Variants in SLIT3 observed in about 807,000 individuals in gnomAD.
SLIT3 encodes the protein slit homolog 3 protein.
In SLIT3, 68 loss-of-function variants were observed where a neutral mutation model predicts 184.0. The ratio of observed to expected loss-of-function variants is 0.37; its 90% CI spans 0.30 to 0.45. The LOEUF is 0.45. Ranked by LOEUF, SLIT3 falls within the 20% of genes least tolerant of loss-of-function variation. SLIT3 has a pLI of 1.00. For synonymous variants in SLIT3, 831 were observed against 828.6 expected, an observed-to-expected ratio of 1.00 and a Z score of -0.05; for missense variants, 1,707 against 2,026.0, an observed-to-expected ratio of 0.84 and a Z score of 3.02.
intron 3 of SLIT3, among the ~76,000 whole-genome samples, chr5:169,198,937 A>G (rs532346715): frequency 2.1e-5 from 3 of 142,292 alleles, no homozygotes; most frequent in Non-Finnish European, 3.0e-5. Flanking sequence ...AACTCAAAAA[A>G]CAAACAAACA....
chr5:169,002,627 T>C (rs1254113761), intron 4 of SLIT3, among the ~76,000 whole-genome samples: 2 of 152,174 alleles, frequency 1.3e-5, no homozygotes, highest in Non-Finnish European at 2.9e-5. Context: ...AGGCAACCAG[T>C]GGAAGAGACT....
intron 2 of SLIT3, among the ~76,000 whole-genome samples, chr5:169,251,005 CAG>C (rs909002920): frequency 2.0e-5 from 3 of 152,198 alleles, no homozygotes; most frequent in Non-Finnish European, 2.9e-5. Context: ...AGCTACAAGA[CAG>C]ATAACTTTTG....
In SLIT3 at chr5:169,180,299, G is replaced by A. The variant is rs542557379; in HGVS notation, c.413+13180C>T. ...CTTCAGTGCAGTGGATGTGGGGAGA[G>A]TGGCATGAGATGGCACTAGGACAAG... On this transcript the variant is annotated intron_variant, in intron 4 of 35. Coordinates refer to ENST00000519560, the MANE Select transcript of SLIT3 (RefSeq NM_003062.4). Among the ~76,000 whole-genome samples the A allele has an allele frequency of 5.3e-5, 8 of 152,328 alleles. No homozygotes were observed. In the East Asian group the frequency reaches 1.5e-3, roughly 29 times the overall value.
intron 1 of SLIT3, among the ~76,000 whole-genome samples, chr5:169,268,811 A>T (rs1367034104): frequency 6.6e-6 from 1 of 152,238 alleles, no homozygotes; most frequent in African/African-American, 2.4e-5. Context: ...GTACTGCTGG[A>T]AAACTATAAA....
chr5:168,676,453 GCCCT>G (rs1181447212), intron 32 of SLIT3, among the ~76,000 whole-genome samples: 2 of 152,192 alleles, frequency 1.3e-5, no homozygotes, highest in Non-Finnish European at 2.9e-5. Flanking sequence ...GAGCCAAAAA[GCCCT>G]ATGAAGGTAG....
At chr5:169,193,232 G>A (rs1402180941) in intron 4 of SLIT3, among the ~76,000 whole-genome samples, 3 of 152,130 alleles carry the variant, frequency 2.0e-5, no homozygotes, top group African/African-American at 7.2e-5. Context: ...GCAAGGCAAC[G>A]ATGGACTACC....
At chr5:168,869,705 A>G (rs912161012) in intron 5 of SLIT3, among the ~76,000 whole-genome samples, 2 of 152,174 alleles carry the variant, frequency 1.3e-5, no homozygotes, top group African/African-American at 2.4e-5. Flanking sequence ...TAAAAACAGA[A>G]TGCTAATTAG....
chr5:169,131,270 G>A (rs1761285707), intron 4 of SLIT3, among the ~76,000 whole-genome samples: 1 of 152,212 alleles, frequency 6.6e-6, no homozygotes, highest in Admixed American at 6.5e-5. Flanking sequence ...CTTGGAATAG[G>A]TTAGCACAGT....
At chr5:169,265,092 T>C (rs1319335663) in intron 1 of SLIT3, among the ~76,000 whole-genome samples, 1 of 152,168 alleles carries the variant, frequency 6.6e-6, no homozygotes, top group Non-Finnish European at 1.5e-5. Flanking sequence ...GGGTCTCTTT[T>C]CCTTCATCCC....
chr5:169,121,974 G>A (rs949127653), intron 4 of SLIT3, among the ~76,000 whole-genome samples: 3 of 152,206 alleles, frequency 2.0e-5, no homozygotes, highest in Non-Finnish European at 4.4e-5. Flanking sequence ...AAGCTGCCCT[G>A]GGACACTCAC....
At chr5:168,768,662 C>G (rs2113524966) in intron 14 of SLIT3, among the ~76,000 whole-genome samples, 1 of 152,310 alleles carries the variant, frequency 6.6e-6, no homozygotes, top group Non-Finnish European at 1.5e-5. Flanking sequence ...GGCCCAATCC[C>G]CCCAACAGCT....
intron 1 of SLIT3, among the ~76,000 whole-genome samples, chr5:169,268,672 C>T (rs1256979842): frequency 1.3e-5 from 2 of 152,166 alleles, no homozygotes; most frequent in Admixed American, 6.5e-5. Context: ...CATTACTACT[C>T]GTGTGTTTTG....
chr5:169,116,816 G>A (rs1364728893), intron 4 of SLIT3, among the ~76,000 whole-genome samples: 1 of 152,232 alleles, frequency 6.6e-6, no homozygotes, highest in Non-Finnish European at 1.5e-5. Flanking sequence ...GGAGCCCCAT[G>A]TCCTCTGATT....
intron 3 of SLIT3, among the ~76,000 whole-genome samples, chr5:169,201,433 T>C (rs1166468516): frequency 6.6e-6 from 1 of 152,218 alleles, no homozygotes; most frequent in Non-Finnish European, 1.5e-5. Flanking sequence ...CTGAGAGGGC[T>C]GAATGGTTTA....
chr5:169,078,775 C>T (rs1054822415), intron 4 of SLIT3, among the ~76,000 whole-genome samples: 1 of 152,204 alleles, frequency 6.6e-6, no homozygotes, highest in African/African-American at 2.4e-5. Context: ...ATTTATTGAA[C>T]ACTGATGGTG....
At chr5:168,786,032 C>A in intron 11 of SLIT3, 54 bp from the exon 12 acceptor site, 1 of 1,268,978 alleles carries the variant, frequency 7.9e-7, no homozygotes, top group Non-Finnish European at 1.2e-6. Flanking sequence ...GCCACCAGAA[C>A]CCAGTCCTGC....
At chr5:169,130,373 A>C (rs1279665663) in intron 4 of SLIT3, among the ~76,000 whole-genome samples, 3 of 152,254 alleles carry the variant, frequency 2.0e-5, no homozygotes, top group Non-Finnish European at 2.9e-5. Context: ...ATCCTGGTGG[A>C]ACTGTAGAAA....
chr5:168,944,485 G>A (rs1407076732), intron 4 of SLIT3, among the ~76,000 whole-genome samples: 1 of 152,174 alleles, frequency 6.6e-6, no homozygotes, highest in Non-Finnish European at 1.5e-5. Flanking sequence ...CAATTTTGCA[G>A]CTGCTTGGGC....
At chr5:169,107,963 AG>A (rs567406610) in intron 4 of SLIT3, among the ~76,000 whole-genome samples, 210 of 152,342 alleles carry the variant, frequency 1.4e-3, no homozygotes, top group African/African-American at 4.9e-3. Flanking sequence ...ATCACCAAGC[AG>A]GATGTTCTGC....
Sources: allele counts gnomAD v4.1 joint callset (sites outside exome capture counted in the v4.1 genomes callset), GRCh38; gene constraint gnomAD v4.1.1; transcripts MANE v1.5; gene names NCBI Gene and HGNC (gene_info 2026-07-23, HGNC 2026-07-21).